SORL1: variants seen among roughly 807,000 people sequenced by gnomAD.
The protein encoded by SORL1 is sortilin related receptor 1.
A neutral mutation model predicts 273.7 loss-of-function variants in SORL1; 127 were observed. That is an observed-to-expected ratio of 0.46 (90% CI 0.40 to 0.54). The LOEUF (loss-of-function observed/expected upper bound fraction) is 0.54. SORL1 is among the 20% of genes least tolerant of loss of function. The probability of loss-of-function intolerance (pLI) is 0.00; values close to 1 mark genes in which losing one functional copy is unlikely to be tolerated. For missense variants in SORL1, 2,494 were observed against 2,846.1 expected, an observed-to-expected ratio of 0.88 and a Z score of 2.81; for synonymous variants, 1,031 against 1,067.4, an observed-to-expected ratio of 0.97 and a Z score of 0.66.
In SORL1 at chr11:121,554,033, G is replaced by A. The variant is rs866060067; in HGVS notation, c.2363G>A (p.Arg788Gln). 9 of 1,614,160 alleles carry A rather than the reference G, an allele frequency of 5.6e-6. No homozygotes were observed. Among genetic ancestry groups the A allele is most frequent in the African/African-American group, 1.3e-5 (1 of 75,044 alleles). The change falls in exon 17 of 48, where the codon CGG becomes CAG. Residue 788 changes from arginine to glutamine, a missense_variant. Arg to Gln is a conservative substitution (Grantham distance 43). This residue lies in a region of SORL1 where 710 missense variants were observed against 882.5 expected (regional missense o/e 0.80). Transcript: ENST00000260197. The surrounding 1 kb of genome is among the most constrained non-coding windows in gnomAD (Gnocchi z 4.6). ...GAGCAGTTGCCTCTCACCGGGCTAC[G>A]GGCAGCAGTGGCCCTGGACTTTGAC... The part of the protein sequence containing the change: ...ATEQLPLTGL[R>Q]AAVALDFDYE...
At chr11:121,536,121 T>C (rs1377744760) in intron 12 of SORL1, among the ~76,000 whole-genome samples, 1 of 152,232 alleles carries the variant, frequency 6.6e-6, no homozygotes, top group Admixed American at 6.5e-5. Flanking sequence ...TAGTCAGTAA[T>C]AATATTTTGA....
intron 14 of SORL1, among the ~76,000 whole-genome samples, chr11:121,546,069 G>A (rs1423857164): frequency 1.3e-5 from 2 of 152,188 alleles, no homozygotes; most frequent in Admixed American, 6.5e-5. Context: ...CTCTCAGGGA[G>A]CATCAATATT....
Position 121,520,691 on chromosome 11 carries a change from C to T in SORL1, c.1246C>T (p.Arg416Ter), listed in dbSNP as rs144585461. 5.0e-6 allele frequency: 8 copies of T among 1,585,810 alleles called. No homozygotes were observed. The highest frequency in any genetic ancestry group is 6.9e-6 in the Non-Finnish European group (8 of 1,167,852). Reference sequence around the variant, plus strand: ...AAATGAACCATTTGCTGACTTCCACCGAGTGGAAGGATTGCAAGGAGTCTA... The same window carrying T: ...AAATGAACCATTTGCTGACTTCCACTGAGTGGAAGGATTGCAAGGAGTCTA... ...FANEPFADFH[R>*]VEGLQGVYIA... The change falls in exon 9 of 48, where the codon CGA becomes TGA. Residue 416 changes from arginine to a stop codon, truncating the protein, a stop_gained. Transcript: ENST00000260197. LOFTEE classifies it high-confidence loss of function.
At chr11:121,490,206 C>G (rs1861531489) in intron 5 of SORL1, 96 bp downstream of exon 5, 2 of 804,386 alleles carry the variant, frequency 2.5e-6, no homozygotes, top group African/African-American at 3.4e-5. Context: ...CCTGAAATGT[C>G]CAGCATTTAT....
chr11:121,613,918 A>G (rs1342555000), intron 40 of SORL1, among the ~76,000 whole-genome samples: 5 of 152,212 alleles, frequency 3.3e-5, no homozygotes, highest in African/African-American at 1.2e-4. Flanking sequence ...GCACTTCCTA[A>G]GCATTTTCTT....
chr11:121,513,130 G>A (rs576628707), intron 7 of SORL1, 26 bp downstream of exon 7: 8 of 1,495,370 alleles, frequency 5.3e-6, no homozygotes, highest in African/African-American at 4.1e-5. Flanking sequence ...TTGAGGATGG[G>A]AAGAAGTATC....
chr11:121,626,534 A>C (rs984194888), intron 46 of SORL1: 9 of 152,214 alleles, frequency 5.9e-5, no homozygotes, highest in African/African-American at 2.2e-4. Context: ...TTAGGTTTGC[A>C]AGAAACAATT....
intron 21 of SORL1, among the ~76,000 whole-genome samples, chr11:121,566,513 T>G (rs543139428): frequency 6.6e-6 from 1 of 152,226 alleles, no homozygotes; most frequent in South Asian, 2.1e-4. Context: ...CCTCCTTAAG[T>G]CTCTTTTAGT....
chr11:121,574,888 C>T (rs576936806), intron 24 of SORL1, among the ~76,000 whole-genome samples: 4 of 152,124 alleles, frequency 2.6e-5, no homozygotes, highest in Admixed American at 2.6e-4. Flanking sequence ...GCTTGGCCCA[C>T]ATGTCTCAGT....
chr11:121,525,100 GC>G (rs1455742780), intron 11 of SORL1, among the ~76,000 whole-genome samples: 3 of 152,142 alleles, frequency 2.0e-5, no homozygotes, highest in Non-Finnish European at 1.5e-5. Context: ...GTATCTTTGT[GC>G]CCCTCGGTAA....
At chr11:121,629,473 A>G in intron 47 of SORL1, 23 bp from the exon 48 acceptor site, 1 of 1,370,940 alleles carries the variant, frequency 7.3e-7, no homozygotes, top group Non-Finnish European at 1.0e-6. Flanking sequence ...GAACTCACCA[A>G]GGCCTGACTG....
intron 32 of SORL1, 27 bp from the exon 33 acceptor site, chr11:121,604,166 G>T (rs538423188): frequency 1.2e-6 from 2 of 1,612,596 alleles, no homozygotes; most frequent in East Asian, 4.5e-5. Context: ...CCTCCCCGTG[G>T]ACTTAAGAAG....
At position 121,631,334 on chromosome 11, in the gene SORL1, G is replaced by A. The variant is rs1469895698; in HGVS notation, c.*1771G>A. On this transcript the variant is annotated 3_prime_UTR_variant, in exon 48 of 48. Transcript: ENST00000260197. Reference sequence around the variant, plus strand: ...GGTGGTAATGATAAGCCTTCTTCTAGCGTATTTTCTCTTCTTTCCTGTCAC... The same window carrying A: ...GGTGGTAATGATAAGCCTTCTTCTAACGTATTTTCTCTTCTTTCCTGTCAC... 1 of 150,522 alleles carries A rather than the reference G, an allele frequency of 6.6e-6. No homozygotes were observed. Among genetic ancestry groups the A allele is most frequent in the East Asian group, 2.0e-4 (1 of 5,096 alleles). The allele number at this position is 150,522 out of a possible 1,614,324, so 9.3% of individuals were successfully genotyped here.
rs777761862 is a variant in SORL1 at position 121,607,287 on chromosome 11, C to T, written c.5163C>T (p.Val1721=). Residue 1721 remains valine, a synonymous_variant, in exon 37 of 48, where the codon GTC becomes GTT. Transcript: ENST00000260197. The part of the protein sequence containing the change: ...KNLLVNTLYT[V]RVAAVTSRGI... ...TATTGGTCAACACTCTATACACCGT[C>T]AGAGTGAGTGTCGTCATCCATTCCA... The T allele has an allele frequency of 3.2e-5, 50 of 1,538,816 alleles. No individual in the cohort carries two copies. Among genetic ancestry groups the T allele is most frequent in the Non-Finnish European group, 4.5e-5 (50 of 1,111,994 alleles).
intron 25 of SORL1, among the ~76,000 whole-genome samples, chr11:121,582,976 C>T (rs1159276933): frequency 2.0e-5 from 3 of 152,208 alleles, no homozygotes; most frequent in Non-Finnish European, 4.4e-5. Flanking sequence ...AGGACTCCGT[C>T]TCCTGAGCAC....
Position 121,612,801 on chromosome 11 carries a change from G to T in SORL1, c.5388G>T (p.Leu1796Phe). ...CCCACAAGCAAGAGAGGAGAACTTT[G>T]AACTTCCGAGGAAGCATATTGTCAC... is the stretch of plus-strand genomic sequence containing the variant. ...FDTHKQERRT[L>F]NFRGSILSHK... Residue 1796 changes from leucine to phenylalanine, a missense_variant, in exon 40 of 48, where the codon TTG becomes TTT. Leu to Phe is a conservative substitution (Grantham distance 22). Around this residue, in one of 3 missense-constraint regions of SORL1, gnomAD observed 1,609 missense variants for 1,816.4 expected, o/e 0.89. Transcript: ENST00000260197. 1 of 1,613,988 alleles carries T rather than the reference G, an allele frequency of 6.2e-7. No homozygotes were observed. The highest frequency in any genetic ancestry group is 1.1e-5 in the South Asian group (1 of 91,066).
chr11:121,592,790 C>T (rs1014257439), intron 31 of SORL1, among the ~76,000 whole-genome samples: 1 of 152,204 alleles, frequency 6.6e-6, no homozygotes, highest in African/African-American at 2.4e-5. Context: ...TCTGTCCTTT[C>T]TCCTCAAGGC....
In SORL1 at chr11:121,577,381, T is replaced by G. The variant is rs2070045; in HGVS notation, c.3561T>G (p.Ser1187=). 409,496 of 1,609,520 alleles carry G rather than the reference T, an allele frequency of 0.25. 59,433 individuals carry two copies. Among genetic ancestry groups the G allele is most frequent in the East Asian group, 0.52 (23,368 of 44,828 alleles). The change falls in exon 25 of 48, where the codon TCT becomes TCG. Residue 1187 remains serine (S), a synonymous_variant. Coordinates refer to ENST00000260197, the MANE Select transcript of SORL1 (RefSeq NM_003105.6). ...CDGDNDCRDW[S]DEANCTAIYH... is the part of the protein sequence containing the mutation. ...GGGACAACGACTGCAGGGACTGGTC[T>G]GATGAAGCCAACTGTACCGGTCAGT...
At chr11:121,623,690 G>T (rs17125563) in intron 45 of SORL1, among the ~76,000 whole-genome samples, 2,306 of 152,348 alleles carry the variant, frequency 0.015, 75 homozygotes, top group African/African-American at 0.053. Context: ...GGGAATCCCA[G>T]TTCGGCAGCC....
Sources: gnomAD v4.1 joint callset for allele counts (sites outside exome capture counted in the v4.1 genomes callset) on GRCh38, gnomAD v4.1.1 for gene constraint, gnomAD v4.1.1 regional missense constraint, Gnocchi (gnomAD v3.1) non-coding constraint, MANE v1.5 for transcripts, NCBI Gene and HGNC (gene_info 2026-07-23, HGNC 2026-07-21) for gene names.